Variants in SH3PXD2A observed in about 807,000 individuals in gnomAD.
SH3PXD2A encodes SH3 and PX domain-containing protein 2A.
SH3PXD2A carries 32 observed loss-of-function variants against 115.2 expected under a neutral mutation model. The ratio of observed to expected loss-of-function variants is 0.28; its 90% CI spans 0.21 to 0.37. The LOEUF is 0.37. SH3PXD2A is among the 10% of genes least tolerant of loss of function. The pLI is 1.00. For missense variants in SH3PXD2A, 1,328 were observed against 1,498.7 expected (o/e 0.89, Z 1.88); for synonymous variants, 610 against 629.1 (o/e 0.97, Z 0.45).
chr10:103,794,674 G>T (rs1002587136), intron 2 of SH3PXD2A, among the ~76,000 whole-genome samples: 2 of 152,226 alleles, frequency 1.3e-5, no homozygotes, highest in African/African-American at 4.8e-5. Context: ...GGGCCTCGAC[G>T]TTAGGCCCTG....
chr10:103,710,251 G>A (rs1356087419), intron 5 of SH3PXD2A, among the ~76,000 whole-genome samples: 3 of 151,060 alleles, frequency 2.0e-5, no homozygotes, highest in African/African-American at 7.3e-5. Context: ...AAAATTAGCT[G>A]GGCATCACCT....
At chr10:103,697,859 C>T (rs2134137822) in intron 5 of SH3PXD2A, among the ~76,000 whole-genome samples, 1 of 152,152 alleles carries the variant, frequency 6.6e-6, no homozygotes, top group South Asian at 2.1e-4. Flanking sequence ...TGTGTTGTTC[C>T]CCTGTTTTGA....
At chr10:103,737,055 G>A (rs1210346490) in intron 3 of SH3PXD2A, among the ~76,000 whole-genome samples, 2 of 152,190 alleles carry the variant, frequency 1.3e-5, no homozygotes, top group Non-Finnish European at 2.9e-5. Flanking sequence ...TAGTGGCCTG[G>A]GAAGCAAACG....
chr10:103,678,828 C>T (rs192745860), intron 6 of SH3PXD2A, among the ~76,000 whole-genome samples: 1 of 152,318 alleles, frequency 6.6e-6, no homozygotes, highest in Non-Finnish European at 1.5e-5. Flanking sequence ...AACGGCTGGG[C>T]TCTTCCTAAC....
At chr10:103,799,824 T>TGA (rs1203020225) in intron 2 of SH3PXD2A, among the ~76,000 whole-genome samples, 1 of 152,034 alleles carries the variant, frequency 6.6e-6, no homozygotes, top group Non-Finnish European at 1.5e-5. Context: ...GGACATGAAT[T>TGA]GAGGAGGGAA....
chr10:103,825,997 T>C (rs2039427148), intron 1 of SH3PXD2A, among the ~76,000 whole-genome samples: 2 of 152,076 alleles, frequency 1.3e-5, no homozygotes, highest in African/African-American at 4.8e-5. Context: ...TCTCCTGACC[T>C]CGTGATCGGC....
chr10:103,684,840 G>A (rs1335270566), intron 6 of SH3PXD2A, among the ~76,000 whole-genome samples: 1 of 149,260 alleles, frequency 6.7e-6, no homozygotes, highest in East Asian at 2.0e-4. Flanking sequence ...ACCACCCTGG[G>A]CAACATAGCG....
At chr10:103,621,134 C>T (rs527327712) in intron 10 of SH3PXD2A, among the ~76,000 whole-genome samples, 1 of 152,246 alleles carries the variant, frequency 6.6e-6, no homozygotes, top group South Asian at 2.1e-4. Flanking sequence ...TATCTGTGGC[C>T]ATGAGGGCTG....
At chr10:103,647,544 G>A (rs2037053625) in intron 8 of SH3PXD2A, among the ~76,000 whole-genome samples, 1 of 152,214 alleles carries the variant, frequency 6.6e-6, no homozygotes, top group African/African-American at 2.4e-5. Flanking sequence ...GCAAGTTTGT[G>A]TCTGGTTGTG....
chr10:103,684,566 G>A (rs2037651881), intron 6 of SH3PXD2A, among the ~76,000 whole-genome samples: 1 of 151,800 alleles, frequency 6.6e-6, no homozygotes, highest in Non-Finnish European at 1.5e-5. Flanking sequence ...CATCATGTCG[G>A]TCTTGAACTC....
chr10:103,607,620 T>G (rs574675966), intron 13 of SH3PXD2A, among the ~76,000 whole-genome samples: 211 of 152,210 alleles, frequency 1.4e-3, no homozygotes, highest in African/African-American at 4.5e-3. Context: ...GAGGAGCCCC[T>G]CTGCCCGGCC....
At chr10:103,747,748 G>A (rs1457853322) in intron 3 of SH3PXD2A, among the ~76,000 whole-genome samples, 1 of 152,150 alleles carries the variant, frequency 6.6e-6, no homozygotes, top group African/African-American at 2.4e-5. Flanking sequence ...CCAGCCACAG[G>A]GGAGTTTGCC....
chr10:103,820,352 C>G (rs2039365556), intron 1 of SH3PXD2A, among the ~76,000 whole-genome samples: 1 of 152,150 alleles, frequency 6.6e-6, no homozygotes, highest in African/African-American at 2.4e-5. Flanking sequence ...CAGGTCCCCT[C>G]AGGAGGGGAA....
chr10:103,715,134 A>G (rs2038090855), intron 5 of SH3PXD2A, among the ~76,000 whole-genome samples: 1 of 152,224 alleles, frequency 6.6e-6, no homozygotes, highest in Non-Finnish European at 1.5e-5. Context: ...GCCTGGGCTA[A>G]TGGAGGAAAG....
intron 3 of SH3PXD2A, among the ~76,000 whole-genome samples, chr10:103,736,283 C>A (rs1390999167): frequency 6.6e-6 from 1 of 152,260 alleles, no homozygotes; most frequent in African/African-American, 2.4e-5. Context: ...AGGGCGGGCA[C>A]AAGGCAATAC....
chr10:103,720,799 G>T (rs1240869395), intron 5 of SH3PXD2A, among the ~76,000 whole-genome samples: 2 of 152,210 alleles, frequency 1.3e-5, no homozygotes, highest in Non-Finnish European at 2.9e-5. Flanking sequence ...TCAGCCGAGG[G>T]TCATGGACAA....
intron 1 of SH3PXD2A, among the ~76,000 whole-genome samples, chr10:103,843,789 T>C (rs1225671748): frequency 1.3e-5 from 2 of 152,120 alleles, no homozygotes; most frequent in Admixed American, 1.3e-4. Flanking sequence ...CCTGAAGAGA[T>C]CTGGGATGCA....
chr10:103,763,075 G>A (rs1263763486), intron 3 of SH3PXD2A, among the ~76,000 whole-genome samples: 2 of 152,136 alleles, frequency 1.3e-5, no homozygotes, highest in Admixed American at 6.5e-5. Context: ...ACACCACCCA[G>A]ACATATCACA....
chr10:103,849,622 C>A (rs1842879119), intron 1 of SH3PXD2A, among the ~76,000 whole-genome samples: 1 of 152,202 alleles, frequency 6.6e-6, no homozygotes, highest in South Asian at 2.1e-4. Context: ...CCACCTGTGA[C>A]TGGCTGCACT....
Sources: allele counts gnomAD v4.1 joint callset (sites outside exome capture counted in the v4.1 genomes callset), GRCh38; gene constraint gnomAD v4.1.1; transcripts MANE v1.5; gene names NCBI Gene and HGNC (gene_info 2026-07-23, HGNC 2026-07-21).